NRXN3: variants seen among roughly 807,000 people sequenced by gnomAD.
NRXN3 encodes neurexin III.
NRXN3 carries 32 observed loss-of-function variants against 137.6 expected under a neutral mutation model. The ratio of observed to expected loss-of-function variants is 0.23; its 90% CI spans 0.18 to 0.31. The LOEUF (loss-of-function observed/expected upper bound fraction) is 0.31, where lower values mean the gene tolerates loss of function less well. NRXN3 is among the 10% of genes least tolerant of loss of function. The probability of loss-of-function intolerance (pLI) is 1.00; values close to 1 mark genes in which losing one functional copy is unlikely to be tolerated. For missense variants in NRXN3, 1,574 were observed against 2,062.5 expected (o/e 0.76, Z 4.59); for synonymous variants, 798 against 784.5 (o/e 1.02, Z -0.29).
At chr14:78,303,455 C>T (rs565893618) in intron 4 of NRXN3, among the ~76,000 whole-genome samples, 1 of 152,252 alleles carries the variant, frequency 6.6e-6, no homozygotes, top group African/African-American at 2.4e-5. Context: ...CTCTAATCCT[C>T]TTATCTTGCT....
intron 4 of NRXN3, among the ~76,000 whole-genome samples, chr14:78,484,579 C>A (rs1254794690): frequency 6.6e-6 from 1 of 152,138 alleles, no homozygotes; most frequent in Non-Finnish European, 1.5e-5. Context: ...CTATTACCCA[C>A]TCTGTAAATC....
At chr14:79,468,488 A>G (rs2153615175) in intron 16 of NRXN3, among the ~76,000 whole-genome samples, 1 of 152,358 alleles carries the variant, frequency 6.6e-6, no homozygotes, top group Non-Finnish European at 1.5e-5. Flanking sequence ...TTAAGAAAAA[A>G]GATCAACTGG....
In NRXN3 at chr14:79,123,749, G is replaced by A. The variant is rs539024692; in HGVS notation, c.3262+135608G>A. On this transcript the variant is annotated intron_variant, in intron 15 of 20. Coordinates refer to ENST00000335750, the MANE Select transcript of NRXN3 (RefSeq NM_001330195.2). ...GAGGCTGGGATATAAGTCAGGGAAA[G>A]CATTTCAGTGGAGATTACGCTTAAA... Among the ~76,000 whole-genome samples, 7 of 152,316 alleles carry A rather than the reference G, an allele frequency of 4.6e-5. No individual in the cohort carries two copies. The East Asian group carries it at 1.4e-3, about 29-fold the overall frequency.
At chr14:79,454,931 C>A (rs2096237888) in intron 15 of NRXN3, among the ~76,000 whole-genome samples, 1 of 152,170 alleles carries the variant, frequency 6.6e-6, no homozygotes, top group East Asian at 1.9e-4. Context: ...TTCTAATATA[C>A]CATTGAAATG....
At chr14:79,850,188 T>C (rs2099388765) in intron 20 of NRXN3, among the ~76,000 whole-genome samples, 1 of 152,232 alleles carries the variant, frequency 6.6e-6, no homozygotes, top group South Asian at 2.1e-4. Context: ...CCAACTTCTT[T>C]CTCAGCCCTC....
intron 10 of NRXN3, among the ~76,000 whole-genome samples, chr14:78,875,809 A>G (rs2099112654): frequency 1.3e-5 from 2 of 152,210 alleles, no homozygotes; most frequent in South Asian, 4.1e-4. Flanking sequence ...TTCAGTAAAT[A>G]TTTGCAGAAA....
intron 15 of NRXN3, among the ~76,000 whole-genome samples, chr14:79,369,112 A>C (rs2093999440): frequency 6.6e-6 from 1 of 152,232 alleles, no homozygotes; most frequent in South Asian, 2.1e-4. Flanking sequence ...TATTTCAATA[A>C]AAGTTATAGT....
At chr14:78,598,933 C>G (rs1220593175) in intron 4 of NRXN3, among the ~76,000 whole-genome samples, 2 of 152,194 alleles carry the variant, frequency 1.3e-5, no homozygotes, top group African/African-American at 4.8e-5. Flanking sequence ...AATAAAAAAG[C>G]TGGATTGCTG....
intron 16 of NRXN3, among the ~76,000 whole-genome samples, chr14:79,550,002 A>T (rs565829091): frequency 6.6e-6 from 1 of 151,314 alleles, no homozygotes; most frequent in South Asian, 2.1e-4. Flanking sequence ...CAGAGGTCTC[A>T]CTCTGTCACC....
intron 15 of NRXN3, among the ~76,000 whole-genome samples, chr14:79,427,103 G>A (rs1220021337): frequency 6.6e-6 from 1 of 152,114 alleles, no homozygotes; most frequent in Non-Finnish European, 1.5e-5. Flanking sequence ...ATTAGATAGA[G>A]GAAGATATTG....
At chr14:78,370,695 T>C (rs185469249) in intron 4 of NRXN3, among the ~76,000 whole-genome samples, 47 of 152,336 alleles carry the variant, frequency 3.1e-4, no homozygotes, top group African/African-American at 1.1e-3. Context: ...GTTATTGCCA[T>C]ACTAAATTTA....
At chr14:78,648,213 A>C (rs2097705672) in intron 5 of NRXN3, among the ~76,000 whole-genome samples, 1 of 152,210 alleles carries the variant, frequency 6.6e-6, no homozygotes, top group Non-Finnish European at 1.5e-5. Context: ...GTGTGTTTGT[A>C]TGTGGTAGTG....
At chr14:78,288,686 A>G (rs2075452879) in intron 3 of NRXN3, among the ~76,000 whole-genome samples, 1 of 152,144 alleles carries the variant, frequency 6.6e-6, no homozygotes, top group South Asian at 2.1e-4. Context: ...TTCTTTTCTA[A>G]AAGTCATTAC....
At chr14:78,581,162 C>T (rs1342637862) in intron 4 of NRXN3, among the ~76,000 whole-genome samples, 1 of 152,218 alleles carries the variant, frequency 6.6e-6, no homozygotes, top group Admixed American at 6.5e-5. Context: ...CTAATTAGTA[C>T]AAGCCATTTG....
intron 15 of NRXN3, among the ~76,000 whole-genome samples, chr14:79,383,377 C>T (rs751140862): frequency 1.3e-5 from 2 of 152,166 alleles, no homozygotes; most frequent in Non-Finnish European, 2.9e-5. Context: ...TCTTCTTTCT[C>T]TTGGACAAAG....
intron 14 of NRXN3, among the ~76,000 whole-genome samples, chr14:78,985,917 G>A (rs1001339647): frequency 2.0e-5 from 3 of 152,094 alleles, no homozygotes; most frequent in African/African-American, 7.2e-5. Flanking sequence ...GAACCACATG[G>A]CCAATAGGAG....
At chr14:79,574,976 C>T (rs1602330357) in intron 16 of NRXN3, among the ~76,000 whole-genome samples, 1 of 152,004 alleles carries the variant, frequency 6.6e-6, no homozygotes, top group Admixed American at 6.6e-5. Flanking sequence ...TTATACAGCA[C>T]GTGTCACCAC....
chr14:78,546,638 TAATC>T (rs895313045), intron 4 of NRXN3, among the ~76,000 whole-genome samples: 4 of 152,236 alleles, frequency 2.6e-5, no homozygotes, highest in African/African-American at 9.6e-5. Context: ...ATTTAAATCT[TAATC>T]CATTTAGAAA....
intron 15 of NRXN3, among the ~76,000 whole-genome samples, chr14:79,103,258 G>A (rs2051705037): frequency 6.6e-6 from 1 of 152,118 alleles, no homozygotes; most frequent in South Asian, 2.1e-4. Flanking sequence ...AAGGTGATTT[G>A]GGATTTAAAA....
Sources: allele counts gnomAD v4.1 joint callset (sites outside exome capture counted in the v4.1 genomes callset), GRCh38; gene constraint gnomAD v4.1.1; transcripts MANE v1.5; gene names NCBI Gene and HGNC (gene_info 2026-07-23, HGNC 2026-07-21).